The following DLGAP2 variants were observed in gnomAD, a reference collection of about 807,000 sequenced individuals.
The protein encoded by DLGAP2 is DLG associated protein 2, also known as disks large-associated protein 2.
DLGAP2 carries 26 observed loss-of-function variants against 100.3 expected under a neutral mutation model. The ratio of observed to expected loss-of-function variants is 0.26; its 90% CI spans 0.19 to 0.36. The LOEUF is 0.36. Ranked by LOEUF, DLGAP2 falls within the 10% of genes least tolerant of loss-of-function variation. The pLI is 1.00. For missense variants in DLGAP2, 1,858 were observed against 1,453.2 expected (o/e 1.28, Z -4.53); for synonymous variants, 886 against 630.1 (o/e 1.41, Z -6.08).
intron 1 of DLGAP2, among the ~76,000 whole-genome samples, chr8:812,809 C>A (rs1479628928): frequency 3.3e-5 from 5 of 152,174 alleles, no homozygotes; most frequent in African/African-American, 1.2e-4. Flanking sequence ...CAACATTCAG[C>A]TTTGGAGCAT....
chr8:1,349,175 C>T (rs1801643419), intron 3 of DLGAP2, among the ~76,000 whole-genome samples: 2 of 150,840 alleles, frequency 1.3e-5, no homozygotes, highest in East Asian at 3.9e-4. Flanking sequence ...CACAGCTTTA[C>T]AAAACACAGC....
At chr8:1,283,032 C>A (rs972958081) in intron 3 of DLGAP2, among the ~76,000 whole-genome samples, 1 of 138,202 alleles carries the variant, frequency 7.2e-6, no homozygotes, top group Non-Finnish European at 1.6e-5. Context: ...GAGCCCAGCA[C>A]GTGAACCATC....
At chr8:1,445,822 G>C (rs560244497) in intron 3 of DLGAP2, among the ~76,000 whole-genome samples, 50 of 152,242 alleles carry the variant, frequency 3.3e-4, no homozygotes, top group African/African-American at 1.2e-3. Context: ...GTTTTGATTT[G>C]CATTTCTCTG....
chr8:833,675 C>T (rs978022655), intron 1 of DLGAP2, among the ~76,000 whole-genome samples: 2 of 152,218 alleles, frequency 1.3e-5, no homozygotes, highest in Non-Finnish European at 2.9e-5. Flanking sequence ...GTGAGGTCAC[C>T]AGTTCTCAGC....
At chr8:941,859 T>C (rs1465741710) in intron 2 of DLGAP2, among the ~76,000 whole-genome samples, 2 of 152,078 alleles carry the variant, frequency 1.3e-5, no homozygotes, top group South Asian at 2.1e-4. Flanking sequence ...TTTTTCCTCA[T>C]TGGAAGTTTA....
intron 2 of DLGAP2, among the ~76,000 whole-genome samples, chr8:1,201,488 C>G (rs1184422920): frequency 6.6e-6 from 1 of 152,190 alleles, no homozygotes; most frequent in Non-Finnish European, 1.5e-5. Flanking sequence ...AGAAGGAAGC[C>G]AGGTCCTGGG....
At chr8:1,585,365 G>A (rs568380856) in intron 6 of DLGAP2, among the ~76,000 whole-genome samples, 59 of 126,452 alleles carry the variant, frequency 4.7e-4, no homozygotes, top group African/African-American at 1.5e-3. Context: ...CCAGGTGGCC[G>A]AGCCAGGAGA....
intron 3 of DLGAP2, among the ~76,000 whole-genome samples, chr8:1,424,469 C>T (rs1454864421): frequency 6.6e-6 from 1 of 152,172 alleles, no homozygotes; most frequent in Non-Finnish European, 1.5e-5. Context: ...TATAGCTGCC[C>T]AATGGAATGT....
rs1439701413 is a variant in DLGAP2, at chr8:871,148, C to T, written c.19-36764C>T. Among the ~76,000 whole-genome samples the T allele has an allele frequency of 3.9e-5, 6 of 152,174 alleles. No homozygotes were observed. The East Asian group carries it at 1.2e-3, about 29-fold the overall frequency. Reference sequence around the variant, plus strand: ...GGTGTCTGCCTGTGAGGATTTATGCCACCGTTGGGTGCCGTGCCCTGCCCA... The same window carrying T: ...GGTGTCTGCCTGTGAGGATTTATGCTACCGTTGGGTGCCGTGCCCTGCCCA... On this transcript the variant is annotated intron_variant, in intron 1 of 14. Coordinates refer to ENST00000637795, the MANE Select transcript of DLGAP2 (RefSeq NM_001346810.2).
At chr8:818,518 G>T (rs1796527545) in intron 1 of DLGAP2, among the ~76,000 whole-genome samples, 1 of 152,132 alleles carries the variant, frequency 6.6e-6, no homozygotes, top group Non-Finnish European at 1.5e-5. Context: ...TCCTTCCAAG[G>T]GTCTGTGGAT....
At chr8:829,976 T>C (rs1426313719) in intron 1 of DLGAP2, among the ~76,000 whole-genome samples, 1 of 152,224 alleles carries the variant, frequency 6.6e-6, no homozygotes, top group Non-Finnish European at 1.5e-5. Flanking sequence ...TTGGATAAAT[T>C]ACCTCTATTT....
chr8:796,241 C>T (rs761607369), intron 1 of DLGAP2, among the ~76,000 whole-genome samples: 8 of 152,168 alleles, frequency 5.3e-5, no homozygotes, highest in South Asian at 4.1e-4. Flanking sequence ...AATTCACGAC[C>T]GGGCTCCCCG....
At position 737,807 on chromosome 8, in the gene DLGAP2, G is replaced by A. The variant is rs966558662; in HGVS notation, c.-1G>A. On this transcript the variant is annotated 5_prime_UTR_variant, in exon 1 of 15. Coordinates refer to ENST00000637795, the MANE Select transcript of DLGAP2 (RefSeq NM_001346810.2). ...ACCTGCTGAGCCCGGAGCGTCCGAGGATGTCCGCGCTGAGGAAGGTGCGAG... is the reference window on the plus strand; with the variant it reads ...ACCTGCTGAGCCCGGAGCGTCCGAGAATGTCCGCGCTGAGGAAGGTGCGAG... 9 of 379,608 alleles carry A rather than the reference G, an allele frequency of 2.4e-5. No individual in the cohort carries two copies. The highest frequency in any genetic ancestry group is 1.9e-4 in the African/African-American group (9 of 47,694). 23.5% of individuals were successfully genotyped at this position (379,608 alleles called of 1,614,324 possible).
intron 6 of DLGAP2, among the ~76,000 whole-genome samples, chr8:1,569,908 G>A (rs1303006160): frequency 6.6e-6 from 1 of 152,090 alleles, no homozygotes; most frequent in African/African-American, 2.4e-5. Context: ...TCACCCCATG[G>A]CACTGCTCTG....
At chr8:915,184 C>T (rs1476746779) in intron 2 of DLGAP2, among the ~76,000 whole-genome samples, 1 of 152,182 alleles carries the variant, frequency 6.6e-6, no homozygotes, top group Admixed American at 6.5e-5. Context: ...TGCAACTCAG[C>T]CTGCATCTGT....
chr8:1,292,319 C>T (rs1180488565), intron 3 of DLGAP2, among the ~76,000 whole-genome samples: 1 of 152,146 alleles, frequency 6.6e-6, no homozygotes, highest in African/African-American at 2.4e-5. Context: ...GTGGACCTAG[C>T]ATGTGGTCTG....
chr8:1,559,709 G>A (rs1802094733), intron 5 of DLGAP2, among the ~76,000 whole-genome samples: 1 of 152,182 alleles, frequency 6.6e-6, no homozygotes. Flanking sequence ...TTCTTTGATG[G>A]CAGAGGAGCT....
At chr8:1,059,566 T>C (rs1200108394) in intron 2 of DLGAP2, among the ~76,000 whole-genome samples, 1 of 152,180 alleles carries the variant, frequency 6.6e-6, no homozygotes, top group East Asian at 1.9e-4. Flanking sequence ...TCCATTAGGC[T>C]GTGAGCTTCC....
At chr8:1,398,300 C>T (rs1796469706) in intron 3 of DLGAP2, among the ~76,000 whole-genome samples, 1 of 6,408 alleles carries the variant, frequency 1.6e-4, no homozygotes, top group Non-Finnish European at 3.5e-4. Flanking sequence ...CCTCCTGAGT[C>T]GTGTATTGAG....
Sources: gnomAD v4.1 joint callset for allele counts (sites outside exome capture counted in the v4.1 genomes callset) on GRCh38, gnomAD v4.1.1 for gene constraint, MANE v1.5 for transcripts, NCBI Gene and HGNC (gene_info 2026-07-23, HGNC 2026-07-21) for gene names.